The following MXRA5 variants were observed in gnomAD, a reference collection of about 807,000 sequenced individuals.
MXRA5 encodes matrix remodeling associated 5.
Under a neutral mutation model 112.5 loss-of-function variants are expected in MXRA5, and 41 were observed. That is an observed-to-expected ratio of 0.36 (90% CI 0.28 to 0.47). The LOEUF (loss-of-function observed/expected upper bound fraction) is 0.47, where lower values mean the gene tolerates loss of function less well. Ranked by LOEUF, MXRA5 falls within the 20% of genes least tolerant of loss-of-function variation. MXRA5 has a pLI of 0.99. For missense variants in MXRA5, 2,150 were observed against 2,251.0 expected, an observed-to-expected ratio of 0.96 and a Z score of 0.91; for synonymous variants, 862 against 900.8, an observed-to-expected ratio of 0.96 and a Z score of 0.77.
chrX:3,342,439 A>G (rs1922010608), intron 2 of MXRA5, among the ~76,000 whole-genome samples: 1 of 112,129 alleles, frequency 8.9e-6, no homozygotes, highest in African/African-American at 3.2e-5. Context: ...TTACACAAGA[A>G]ATGTGTCCGA....
At position 3,312,639 on chromosome X, in the gene MXRA5, G is replaced by T. The variant is rs866620944; in HGVS notation, c.6579-1015C>A. On this transcript the variant is annotated intron_variant, in intron 6 of 6. Transcript: ENST00000217939. ...TGCAGTGGTGCAATCATAGCTAACTGTAGTCTCGATCTCTTGGACTCAAGG... is the reference window on the plus strand; with the variant it reads ...TGCAGTGGTGCAATCATAGCTAACTTTAGTCTCGATCTCTTGGACTCAAGG... Among the ~76,000 whole-genome samples the T allele has an allele frequency of 3.8e-5, 4 of 106,518 alleles. No homozygotes were observed. The South Asian group carries it at 1.7e-3, about 46-fold the overall frequency. The allele number at this position is 106,518 out of a possible 115,157, so 92.5% of individuals were successfully genotyped here. A position where few individuals can be genotyped will look rare whatever the true frequency, so the allele number is the denominator to read the frequency against.
chrX:3,319,061 G>C (rs1921228140), intron 5 of MXRA5, among the ~76,000 whole-genome samples: 1 of 110,707 alleles, frequency 9.0e-6, no homozygotes. Flanking sequence ...CAGGGGCTGG[G>C]GATGGGAGTA....
At chrX:3,313,219 C>T (rs759108510) in intron 6 of MXRA5, among the ~76,000 whole-genome samples, 5 of 112,472 alleles carry the variant, frequency 4.4e-5, no homozygotes, top group Non-Finnish European at 9.4e-5. Flanking sequence ...GCCTGTGCAT[C>T]GTGAGAGATT....
chrX:3,338,083 A>G lies in MXRA5; in HGVS notation c.188+5563T>C, dbSNP rs187316506. On this transcript the variant is annotated intron_variant, in intron 2 of 6. Transcript: ENST00000217939. ...AGACTGGCCAACCGACCAATGGAAT[A>G]GAGCCCTGGGAGTAAATAATATCAC... is the stretch of plus-strand genomic sequence containing the variant. Among the ~76,000 whole-genome samples, 534 of 111,628 alleles carry G rather than the reference A, an allele frequency of 4.8e-3. 4 individuals are homozygous for G. Among genetic ancestry groups the G allele is most frequent in the African/African-American group, 0.016 (494 of 30,803 alleles).
Position 3,343,582 on chromosome X carries a change from C to T in MXRA5, c.188+64G>A, listed in dbSNP as rs946885974. Reference sequence around the variant, plus strand: ...AGTTAAGTAAATGCACATACACACACGCAAAACCAGATCAAGACGCACGCA... The same window carrying T: ...AGTTAAGTAAATGCACATACACACATGCAAAACCAGATCAAGACGCACGCA... On this transcript the variant is annotated intron_variant, in intron 2 of 6. Transcript: ENST00000217939. The T allele has an allele frequency of 4.7e-6, 5 of 1,064,886 alleles. No homozygotes were observed. In the African/African-American group the frequency reaches 5.5e-5, roughly 12 times the overall value. The allele number at this position is 1,064,886 out of a possible 1,213,427, so 87.8% of individuals were successfully genotyped here.
At position 3,337,664 on chromosome X, in the gene MXRA5, C is replaced by T. The variant is rs555008579; in HGVS notation, c.188+5982G>A. On this transcript the variant is annotated intron_variant, in intron 2 of 6. Coordinates refer to ENST00000217939, the MANE Select transcript of MXRA5 (RefSeq NM_015419.4). ...TGTGTTAAAACAGCAATGTTGGCCA[C>T]TTCCTGGAGAACGTGTCAGAGCTGG... is the stretch of plus-strand genomic sequence containing the variant. Among the ~76,000 whole-genome samples, 4 of 112,199 alleles carry T rather than the reference C, an allele frequency of 3.6e-5. 1 individual carries two copies. The South Asian group carries it at 1.5e-3, about 42-fold the overall frequency.
At position 3,311,450 on chromosome X, in the gene MXRA5, G is replaced by A. The variant is rs191500002; in HGVS notation, c.6753C>T (p.Asn2251=). ...KPAKIEHKEE[N]DHKVFYGGDL... ...CACCCCCGTAGAAGACTTTGTGGTC[G>A]TTCTCCTCCTTGTGTTCAATCTTGG... is the stretch of plus-strand genomic sequence containing the variant. The change falls in exon 7 of 7, where the codon AAC becomes AAT. Residue 2251 remains asparagine (N), a synonymous_variant. Coordinates refer to ENST00000217939, the MANE Select transcript of MXRA5 (RefSeq NM_015419.4). The A allele has an allele frequency of 8.0e-4, 965 of 1,209,913 alleles. 8 individuals are homozygous for A. Among genetic ancestry groups the A allele is most frequent in the Non-Finnish European group, 1.0e-4 (92 of 895,251 alleles).
intron 2 of MXRA5, among the ~76,000 whole-genome samples, chrX:3,338,747 G>A (rs1359179819): frequency 9.0e-6 from 1 of 110,715 alleles, no homozygotes; most frequent in African/African-American, 3.3e-5. Context: ...ATAGATGATA[G>A]GTAGGTAGAG....
At chrX:3,328,760 A>G (rs1360341505) in intron 4 of MXRA5, among the ~76,000 whole-genome samples, 9 of 104,673 alleles carry the variant, frequency 8.6e-5, no homozygotes, top group African/African-American at 3.1e-4. Flanking sequence ...GGAGAAAGGA[A>G]GGAAGGAAGG....
chrX:3,337,502 C>T (rs1921809164), intron 2 of MXRA5, among the ~76,000 whole-genome samples: 1 of 111,958 alleles, frequency 8.9e-6, no homozygotes, highest in Admixed American at 9.5e-5. Context: ...TATCTACCTA[C>T]CCTATACCTA....
At chrX:3,327,899 G>A (rs1921550484) in intron 4 of MXRA5, among the ~76,000 whole-genome samples, 1 of 112,985 alleles carries the variant, frequency 8.9e-6, no homozygotes, top group African/African-American at 3.2e-5. Context: ...ATACACAGAT[G>A]TACACACATG....
At chrX:3,331,012 C>T (rs1293922521) in intron 2 of MXRA5, among the ~76,000 whole-genome samples, 2 of 111,250 alleles carry the variant, frequency 1.8e-5, no homozygotes, top group Middle Eastern at 4.2e-3. Flanking sequence ...CAGCAATCCT[C>T]CCACATCAGC....
At chrX:3,312,793 C>T (rs1316572262) in intron 6 of MXRA5, among the ~76,000 whole-genome samples, 1 of 111,014 alleles carries the variant, frequency 9.0e-6, no homozygotes, top group Non-Finnish European at 1.9e-5. Flanking sequence ...TGAGTTTGAA[C>T]TCCTGGACTT....
chrX:3,326,089 TTA>T (rs1383470277), intron 4 of MXRA5, among the ~76,000 whole-genome samples: 1 of 33,395 alleles, frequency 3.0e-5, no homozygotes, highest in African/African-American at 1.0e-4. Flanking sequence ...TTATATATAT[TTA>T]TATATATTTA....
intron 6 of MXRA5, among the ~76,000 whole-genome samples, chrX:3,315,176 G>A (rs1921062125): frequency 9.3e-6 from 1 of 107,533 alleles, no homozygotes. Flanking sequence ...TATACCAGAA[G>A]CACACCCTCC....
Position 3,320,545 on chromosome X carries a change from C to A in MXRA5, c.5140G>T (p.Val1714Phe). The A allele has an allele frequency of 8.3e-7, 1 of 1,211,922 alleles. No individual in the cohort carries two copies. ...ATTCTTGGACTGGGAGGCTTTCCAA[C>A]TGGGTTTCTTGCCTCAGGGATGTTG... is the stretch of plus-strand genomic sequence containing the variant. Reference protein sequence around the residue: ...NNNIPEARNPVGKPPSPRIPH... With the variant: ...NNNIPEARNPFGKPPSPRIPH... Residue 1714 changes from valine (V) to phenylalanine (F), a missense_variant, in exon 5 of 7, where the codon GTT becomes TTT. Physicochemically the swap from Val to Phe is conservative, Grantham distance 50. This residue lies in a region of MXRA5 where 1,485 missense variants were observed against 1,471.6 expected (regional missense o/e 1.01). Transcript: ENST00000217939.
At chrX:3,328,929 C>T (rs749823698) in intron 4 of MXRA5, among the ~76,000 whole-genome samples, 5 of 72,099 alleles carry the variant, frequency 6.9e-5, no homozygotes, top group South Asian at 1.6e-3. Flanking sequence ...AGGAAGGAAA[C>T]GAAGGAAGGA....
chrX:3,346,599 T>C lies in MXRA5; in HGVS notation c.-113A>G, dbSNP rs1182183003. ...GGCGCGCGAGTCACGGCCGGGAGTT[T>C]GCCGGGGCCATGCCCTTCCCGGGGC... is the stretch of plus-strand genomic sequence containing the variant. On this transcript the variant is annotated 5_prime_UTR_variant, in exon 1 of 7. Transcript: ENST00000217939. 1 of 747,722 alleles carries C rather than the reference T, an allele frequency of 1.3e-6. No individual in the cohort carries two copies. Among genetic ancestry groups the C allele is most frequent in the Non-Finnish European group, 1.6e-6 (1 of 634,106 alleles). The allele number at this position is 747,722 out of a possible 1,213,427, so 61.6% of individuals were successfully genotyped here.
At position 3,322,147 on chromosome X, in the gene MXRA5, A is replaced by G; in HGVS notation, c.3538T>C (p.Phe1180Leu). The change falls in exon 5 of 7, where the codon TTT becomes CTT. Residue 1180 changes from phenylalanine to leucine, a missense_variant. Transcript: ENST00000217939. ...PPTTFAPSET[F>L]STQPTQAPDI... ...GGTGCTTGAGTTGGTTGAGTAGAAA[A>G]AGTCTCTGATGGGGCAAAAGTTGTG... 1 of 1,200,039 alleles carries G rather than the reference A, an allele frequency of 8.3e-7. No individual in the cohort carries two copies. The highest frequency in any genetic ancestry group is 1.8e-5 in the South Asian group (1 of 54,854).
Sources: allele counts gnomAD v4.1 joint callset (sites outside exome capture counted in the v4.1 genomes callset), GRCh38; gene constraint gnomAD v4.1.1; regional missense constraint gnomAD v4.1.1; transcripts MANE v1.5; gene names NCBI Gene and HGNC (gene_info 2026-07-23, HGNC 2026-07-21).